Variants in FUCA1 observed in about 807,000 individuals in gnomAD.
FUCA1 encodes the protein tissue alpha-L-fucosidase.
Under a neutral mutation model 56.8 loss-of-function variants are expected in FUCA1, and 52 were observed. That is an observed-to-expected ratio of 0.92 (90% CI 0.73 to 1.15). The LOEUF (loss-of-function observed/expected upper bound fraction) is 1.15. Ranked by LOEUF, FUCA1 falls within the 50% of genes most tolerant of loss-of-function variation. The pLI, the probability that FUCA1 is intolerant of heterozygous loss-of-function variation, is 0.00. For synonymous variants in FUCA1, 230 were observed against 226.6 expected, an observed-to-expected ratio of 1.02 and a Z score of -0.14; for missense variants, 568 against 592.6, an observed-to-expected ratio of 0.96 and a Z score of 0.43.
intron 6 of FUCA1, 112 bp downstream of exon 6, chr1:23,848,537 G>T: frequency 2.9e-6 from 3 of 1,022,858 alleles, no homozygotes; most frequent in Non-Finnish European, 4.6e-6. Context: ...TAACCTTCTG[G>T]ATTTTCTCAA....
At position 23,866,786 on chromosome 1, in the gene FUCA1, C is replaced by A. The variant is rs543032884; in HGVS notation, c.389+1112G>T. ...CATTATATTCCTTCCTCTCTTTGGGCCAGTCATCTCATCCATGAAATAAAA... is the reference window on the plus strand; with the variant it reads ...CATTATATTCCTTCCTCTCTTTGGGACAGTCATCTCATCCATGAAATAAAA... On this transcript the variant is annotated intron_variant, in intron 1 of 7. Coordinates refer to ENST00000374479, the MANE Select transcript of FUCA1 (RefSeq NM_000147.5). Among the ~76,000 whole-genome samples the A allele has an allele frequency of 1.5e-3, 232 of 152,268 alleles. 1 individual carries two copies. The highest frequency in any genetic ancestry group is 2.5e-3 in the Non-Finnish European group (173 of 68,018).
At chr1:23,847,878 T>G (rs1382440754) in intron 6 of FUCA1, among the ~76,000 whole-genome samples, 2 of 152,022 alleles carry the variant, frequency 1.3e-5, no homozygotes, top group Non-Finnish European at 2.9e-5. Context: ...AAAAATTAGC[T>G]GGGCGTGGTG....
intron 5 of FUCA1, among the ~76,000 whole-genome samples, chr1:23,852,066 G>T (rs1016027866): frequency 1.1e-5 from 1 of 90,088 alleles, no homozygotes; most frequent in Non-Finnish European, 2.3e-5. Flanking sequence ...CAATCATATA[G>T]TATGTTAGAA....
At chr1:23,852,158 C>T (rs1015961868) in intron 5 of FUCA1, among the ~76,000 whole-genome samples, 1 of 151,762 alleles carries the variant, frequency 6.6e-6, no homozygotes, top group African/African-American at 2.4e-5. Flanking sequence ...GCTGCCATGG[C>T]TCATGCCTGT....
chr1:23,863,177 C>T lies in FUCA1; in HGVS notation c.619G>A (p.Val207Ile). 6.2e-7 allele frequency: 1 copy of T among 1,613,946 alleles called. No homozygotes were observed. Among genetic ancestry groups the T allele is most frequent in the Non-Finnish European group, 8.5e-7 (1 of 1,180,016 alleles). ...KKNGFKTQHF[V>I]SAKTMPELYD... is the part of the protein sequence containing the mutation. ...AGCTCTGGCATTGTTTTTGCACTGA[C>T]AAAATGCTGTGTTTTGAAGCCATTT... Residue 207 changes from valine to isoleucine, a missense_variant, in exon 3 of 8, where the codon GTC becomes ATC. Val to Ile is a conservative substitution (Grantham distance 29). Transcript: ENST00000374479.
At chr1:23,864,705 TC>T (rs1433851490) in intron 2 of FUCA1, among the ~76,000 whole-genome samples, 3 of 149,414 alleles carry the variant, frequency 2.0e-5, no homozygotes, top group African/African-American at 5.0e-5. Context: ...TTGTCTTTTT[TC>T]TTTTTTTTTT....
At chr1:23,859,646 C>A (rs1304541802) in intron 4 of FUCA1, 152 bp downstream of exon 4, 2 of 632,760 alleles carry the variant, frequency 3.2e-6, no homozygotes, top group Admixed American at 2.3e-5. Flanking sequence ...AAGGAGAAAC[C>A]TTTAACATCC....
chr1:23,863,094 T>C lies in FUCA1; in HGVS notation c.662+40A>G, dbSNP rs763769340. 16 of 1,609,866 alleles carry C rather than the reference T, an allele frequency of 9.9e-6. No homozygotes were observed. The African/African-American group carries it at 1.2e-4, about 12-fold the overall frequency. ...TACCCTATAGGAAGCTCTGATTTCA[T>C]TGATAAAAGTCATAGGGCCAAAATA... On this transcript the variant is annotated intron_variant, in intron 3 of 7. Transcript: ENST00000374479.
At chr1:23,857,623 A>G (rs1046552146) in intron 4 of FUCA1, among the ~76,000 whole-genome samples, 1 of 151,630 alleles carries the variant, frequency 6.6e-6, no homozygotes, top group Admixed American at 6.6e-5. Context: ...CAGCCTCTCG[A>G]GTAGCTGGGA....
At chr1:23,850,326 A>AT (rs1313237790) in intron 5 of FUCA1, among the ~76,000 whole-genome samples, 1 of 151,658 alleles carries the variant, frequency 6.6e-6, no homozygotes, top group Non-Finnish European at 1.5e-5. Flanking sequence ...CAAAAAAAAA[A>AT]AAAAAAGAAT....
At chr1:23,862,777 A>G (rs955397659) in intron 3 of FUCA1, among the ~76,000 whole-genome samples, 1 of 152,206 alleles carries the variant, frequency 6.6e-6, no homozygotes, top group African/African-American at 2.4e-5. Context: ...TGTTTAAGGC[A>G]TGTAAGTAAC....
intron 4 of FUCA1, among the ~76,000 whole-genome samples, chr1:23,859,051 G>A (rs1639453119): frequency 6.6e-6 from 1 of 151,922 alleles, no homozygotes; most frequent in South Asian, 2.1e-4. Flanking sequence ...CAAAGTGCTG[G>A]GATTACAGGC....
At position 23,867,695 on chromosome 1, in the gene FUCA1, T is replaced by C; in HGVS notation, c.389+203A>G. On this transcript the variant is annotated intron_variant, in intron 1 of 7. Coordinates refer to ENST00000374479, the MANE Select transcript of FUCA1 (RefSeq NM_000147.5). This position sits in a 1 kb window ranked among gnomAD's most constrained non-coding sequence, Gnocchi z 4.9. Reference sequence around the variant, plus strand: ...TCCCAGCCTGCCATCTCCCTGAACCTTCATTTATCAGTCCCCAGTCAAACG... The same window carrying C: ...TCCCAGCCTGCCATCTCCCTGAACCCTCATTTATCAGTCCCCAGTCAAACG... 2.0e-6 allele frequency: 2 copies of C among 984,088 alleles called. No homozygotes were observed. The highest frequency in any genetic ancestry group is 2.4e-6 in the Non-Finnish European group (2 of 828,766). The allele number at this position is 984,088 out of a possible 1,614,324, so 61.0% of individuals were successfully genotyped here. A position where few individuals can be genotyped will look rare whatever the true frequency, so the allele number is the denominator to read the frequency against.
At chr1:23,848,375 A>G (rs1029896817) in intron 6 of FUCA1, among the ~76,000 whole-genome samples, 2 of 152,124 alleles carry the variant, frequency 1.3e-5, no homozygotes, top group African/African-American at 2.4e-5. Flanking sequence ...CATTATTACT[A>G]TTTTTAGGGG....
Position 23,867,774 on chromosome 1 carries a change from CCACACGCGGG to C in FUCA1, c.389+114_389+123del, listed in dbSNP as rs1458535166. The C allele has an allele frequency of 1.3e-5, 18 of 1,428,106 alleles. No homozygotes were observed. Among genetic ancestry groups the C allele is most frequent in the Non-Finnish European group, 1.5e-5 (17 of 1,100,518 alleles). The allele number at this position is 1,428,106 out of a possible 1,614,324, so 88.5% of individuals were successfully genotyped here. ...GGCTCACTCCTGTGGCCGCAGGAGGCCACACGCGGGCCCCGGGGTCATGGGGGCGACCGGC... is the reference window on the plus strand; with the variant it reads ...GGCTCACTCCTGTGGCCGCAGGAGGCCCCCGGGGTCATGGGGGCGACCGGC... On this transcript the variant is annotated intron_variant, in intron 1 of 7. Transcript: ENST00000374479. The surrounding 1 kb of genome is among the most constrained non-coding windows in gnomAD (Gnocchi z 4.9).
chr1:23,859,581 A>C (rs1389491554), intron 4 of FUCA1, among the ~76,000 whole-genome samples: 3 of 151,896 alleles, frequency 2.0e-5, no homozygotes, highest in Non-Finnish European at 2.9e-5. Context: ...AAAAAAAAAA[A>C]AAACAACACT....
chr1:23,850,030 T>C (rs1488983065), intron 5 of FUCA1, among the ~76,000 whole-genome samples: 1 of 152,030 alleles, frequency 6.6e-6, no homozygotes, highest in Non-Finnish European at 1.5e-5. Context: ...ATTTGAAGAA[T>C]TCAGACAGGC....
intron 4 of FUCA1, among the ~76,000 whole-genome samples, chr1:23,857,983 T>C (rs550802502): frequency 1.4e-4 from 21 of 151,608 alleles, no homozygotes; most frequent in Admixed American, 5.9e-4. Context: ...AAACCACTCT[T>C]AATCTGTCTC....
intron 3 of FUCA1, among the ~76,000 whole-genome samples, chr1:23,862,744 G>C (rs530905157): frequency 6.6e-6 from 1 of 152,306 alleles, no homozygotes; most frequent in African/African-American, 2.4e-5. Context: ...TACAGAGTGA[G>C]AATCAAGCTC....
Sources: allele counts gnomAD v4.1 joint callset (sites outside exome capture counted in the v4.1 genomes callset), GRCh38; gene constraint gnomAD v4.1.1; non-coding constraint Gnocchi (gnomAD v3.1); transcripts MANE v1.5; gene names NCBI Gene and HGNC (gene_info 2026-07-23, HGNC 2026-07-21).